The following SCN9A variants were observed in gnomAD, a reference collection of about 807,000 sequenced individuals.
SCN9A encodes sodium channel protein type 9 subunit alpha.
SCN9A carries 131 observed loss-of-function variants against 187.0 expected under a neutral mutation model. That is an observed-to-expected ratio of 0.70 (90% confidence interval 0.61 to 0.81). The LOEUF (loss-of-function observed/expected upper bound fraction) is 0.81. Among genes scored for constraint, SCN9A ranks in the 30% least tolerant of loss-of-function variants. The pLI is 0.00. For missense variants in SCN9A, 2,252 were observed against 2,396.6 expected (o/e 0.94, Z 1.26); for synonymous variants, 809 against 808.6 (o/e 1.00, Z -0.01).
intron 17 of SCN9A, among the ~76,000 whole-genome samples, chr2:166,267,314 T>G (rs1190442892): frequency 6.6e-6 from 1 of 152,048 alleles, no homozygotes; most frequent in Non-Finnish European, 1.5e-5. Context: ...GAGATGATTA[T>G]ATGGTTTTTA....
chr2:166,373,190 T>G (rs1201349309), intron 1 of SCN9A, among the ~76,000 whole-genome samples: 3 of 152,080 alleles, frequency 2.0e-5, no homozygotes, highest in Non-Finnish European at 1.5e-5. Flanking sequence ...TAGGTTCTGG[T>G]GAGGTTGGAG....
intron 24 of SCN9A, among the ~76,000 whole-genome samples, chr2:166,221,459 G>A (rs1694580343): frequency 6.6e-6 from 1 of 152,070 alleles, no homozygotes. Flanking sequence ...AGAGTGCAGT[G>A]GCATGATCAT....
intron 1 of SCN9A, among the ~76,000 whole-genome samples, chr2:166,335,548 G>T (rs1699605935): frequency 6.6e-6 from 1 of 152,114 alleles, no homozygotes; most frequent in African/African-American, 2.4e-5. Flanking sequence ...TCACTAGAGT[G>T]GGACACTTAC....
chr2:166,277,939 C>G (rs1697309873), intron 15 of SCN9A: 1 of 493,232 alleles, frequency 2.0e-6, no homozygotes, highest in Non-Finnish European at 3.5e-6. Context: ...TAGAATTGAG[C>G]ATGTCTTCAA....
At chr2:166,210,473 TAAAAA>T (rs201071860) in intron 24 of SCN9A, among the ~76,000 whole-genome samples, 1 of 47,072 alleles carries the variant, frequency 2.1e-5, no homozygotes, top group African/African-American at 7.6e-5. Context: ...AAAATAAAAA[TAAAAA>T]AATAAAAAAT....
At chr2:166,276,366 C>G (rs546509793) in intron 16 of SCN9A, 3 of 152,050 alleles carry the variant, frequency 2.0e-5, no homozygotes, top group African/African-American at 7.2e-5. Flanking sequence ...ATAGAAGATA[C>G]GTAAATGAAT....
Position 166,277,204 on chromosome 2 carries a change from T to C in SCN9A, c.2653A>G (p.Met885Val), listed in dbSNP as rs1307256880. The change falls in exon 16 of 27, where the codon ATG (methionine) becomes GTG (valine). Residue 885 changes from methionine (M) to valine (V), a missense_variant. Physicochemically the swap from Met to Val is conservative, Grantham distance 21. Around this residue, in one of 7 missense-constraint regions of SCN9A, gnomAD observed 119 missense variants for 188.7 expected, o/e 0.63. Transcript: ENST00000642356. ...IIVFIFAVVGMQLFGKSYKEC... is the reference protein window; with the variant it reads ...IIVFIFAVVGVQLFGKSYKEC... ...TTGTAGCTCTTACCAAAGAGCTGCA[T>C]GCCGACCACAGCAAAAATGAAGACG... is the stretch of plus-strand genomic sequence containing the variant. The C allele has an allele frequency of 1.2e-6, 2 of 1,614,106 alleles. No individual in the cohort carries two copies. The highest frequency in any genetic ancestry group is 1.7e-6 in the Non-Finnish European group (2 of 1,179,994).
At chr2:166,331,759 C>A (rs770572267) in intron 1 of SCN9A, among the ~76,000 whole-genome samples, 3 of 152,092 alleles carry the variant, frequency 2.0e-5, no homozygotes, top group Admixed American at 6.6e-5. Context: ...TAGTTCATTG[C>A]TCAATGTTAA....
chr2:166,242,143 T>A (rs1327493742), intron 19 of SCN9A, among the ~76,000 whole-genome samples: 5 of 152,126 alleles, frequency 3.3e-5, no homozygotes, highest in Admixed American at 3.3e-4. Context: ...ATATATAACA[T>A]TTTCCCATTT....
intron 20 of SCN9A, among the ~76,000 whole-genome samples, chr2:166,234,321 C>G (rs1431887813): frequency 1.3e-5 from 2 of 152,194 alleles, no homozygotes; most frequent in Admixed American, 1.3e-4. Context: ...ATTTGCCTCA[C>G]ATCCTGTGTA....
intron 1 of SCN9A, among the ~76,000 whole-genome samples, chr2:166,364,406 A>G (rs1418955720): frequency 6.6e-6 from 1 of 152,186 alleles, no homozygotes; most frequent in East Asian, 1.9e-4. Flanking sequence ...TAATCACAGT[A>G]GCCAAAAAGT....
chr2:166,360,718 A>G (rs1282285265), intron 1 of SCN9A, among the ~76,000 whole-genome samples: 1 of 152,212 alleles, frequency 6.6e-6, no homozygotes, highest in Non-Finnish European at 1.5e-5. Context: ...TAAAGTTATC[A>G]TGTAGAATAG....
intron 1 of SCN9A, among the ~76,000 whole-genome samples, chr2:166,372,709 T>A (rs1223793775): frequency 1.6e-4 from 24 of 152,168 alleles, no homozygotes; most frequent in Admixed American, 1.6e-3. Context: ...TACTAAATGC[T>A]TGACAAATAA....
chr2:166,201,870 A>C (rs1320709783), intron 26 of SCN9A, among the ~76,000 whole-genome samples: 2 of 151,684 alleles, frequency 1.3e-5, no homozygotes, highest in African/African-American at 2.4e-5. Context: ...AAAAATTTTC[A>C]TGACATTTGA....
At chr2:166,367,419 T>G (rs1700443708) in intron 1 of SCN9A, among the ~76,000 whole-genome samples, 2 of 151,978 alleles carry the variant, frequency 1.3e-5, no homozygotes, top group Admixed American at 6.6e-5. Context: ...CTGGCCACCA[T>G]GCCTGGATAG....
intron 1 of SCN9A, among the ~76,000 whole-genome samples, chr2:166,375,014 A>C (rs1700654882): frequency 6.6e-6 from 1 of 152,194 alleles, no homozygotes; most frequent in Admixed American, 6.6e-5. Context: ...TTTGTCTTGA[A>C]TATAAGGCAC....
At chr2:166,287,842 A>G (rs1697841008) in intron 10 of SCN9A, among the ~76,000 whole-genome samples, 1 of 151,710 alleles carries the variant, frequency 6.6e-6, no homozygotes, top group African/African-American at 2.4e-5. Flanking sequence ...GCACTGTTTT[A>G]GTCATACCCC....
intron 1 of SCN9A, among the ~76,000 whole-genome samples, chr2:166,312,052 T>C (rs995310557): frequency 1.1e-4 from 17 of 152,180 alleles, no homozygotes; most frequent in Admixed American, 1.0e-3. Flanking sequence ...AAGTAAAAAA[T>C]GACAATTTTC....
intron 1 of SCN9A, among the ~76,000 whole-genome samples, chr2:166,370,281 T>C (rs1034480193): frequency 5.3e-5 from 8 of 150,076 alleles, no homozygotes; most frequent in South Asian, 2.1e-4. Context: ...CGGTGGCTCA[T>C]GCTTGTAATC....
Sources: gnomAD v4.1 joint callset for allele counts (sites outside exome capture counted in the v4.1 genomes callset) on GRCh38, gnomAD v4.1.1 for gene constraint, gnomAD v4.1.1 regional missense constraint, MANE v1.5 for transcripts, NCBI Gene and HGNC (gene_info 2026-07-23, HGNC 2026-07-21) for gene names.